RNF111: variants seen among roughly 807,000 people sequenced by gnomAD.
RNF111 encodes ring finger protein 111, also known as E3 ubiquitin-protein ligase Arkadia.
RNF111 carries 17 observed loss-of-function variants against 95.1 expected under a neutral mutation model. The observed-to-expected ratio is 0.18, with a 90% confidence interval of 0.12 to 0.27. The LOEUF (loss-of-function observed/expected upper bound fraction) is 0.27. Among genes scored for constraint, RNF111 ranks in the 10% least tolerant of loss-of-function variants. The probability of loss-of-function intolerance (pLI) is 1.00; values close to 1 mark genes in which losing one functional copy is unlikely to be tolerated. For synonymous variants in RNF111, 440 were observed against 414.8 expected (o/e 1.06, Z -0.74); for missense variants, 1,189 against 1,210.4 (o/e 0.98, Z 0.26).
chr15:59,084,590 A>G (rs1359755379), intron 9 of RNF111, among the ~76,000 whole-genome samples: 1 of 152,160 alleles, frequency 6.6e-6, no homozygotes, highest in Non-Finnish European at 1.5e-5. Flanking sequence ...CACATTTATC[A>G]CCTCCAATAT....
chr15:59,000,327 C>T (rs1024801692), intron 1 of RNF111, among the ~76,000 whole-genome samples: 4 of 152,082 alleles, frequency 2.6e-5, no homozygotes, highest in African/African-American at 7.2e-5. Context: ...CCACACTTGG[C>T]TCATTTTTCT....
intron 1 of RNF111, among the ~76,000 whole-genome samples, chr15:59,024,066 C>T (rs1355310697): frequency 6.6e-6 from 1 of 152,094 alleles, no homozygotes; most frequent in Non-Finnish European, 1.5e-5. Context: ...TTTTAAGGAC[C>T]TGATTATCCC....
intron 1 of RNF111, among the ~76,000 whole-genome samples, chr15:59,015,251 TATC>T (rs2040012877): frequency 6.6e-6 from 1 of 152,222 alleles, no homozygotes; most frequent in Admixed American, 6.5e-5. Context: ...ATGTTTTCCT[TATC>T]ATTTTGAAGG....
intron 3 of RNF111, among the ~76,000 whole-genome samples, chr15:59,054,255 G>A (rs1269901610): frequency 2.6e-5 from 4 of 152,096 alleles, no homozygotes; most frequent in Admixed American, 6.6e-5. Context: ...TCATTTAAGA[G>A]AGTATTTCTT....
chr15:59,095,049 C>G lies in RNF111; in HGVS notation c.*149C>G. On this transcript the variant is annotated 3_prime_UTR_variant, in exon 14 of 14. Transcript: ENST00000348370. ...CTATATGGTACAACTAATGCTAGAC[C>G]TACAGTTTATGTATACAGTTGATTT... The G allele has an allele frequency of 2.9e-6, 2 of 681,006 alleles. No individual in the cohort carries two copies. The highest frequency in any genetic ancestry group is 3.2e-5 in the South Asian group (2 of 61,816). The allele number at this position is 681,006 out of a possible 1,614,324, so 42.2% of individuals were successfully genotyped here.
chr15:59,011,306 A>C (rs1347200565), intron 1 of RNF111, among the ~76,000 whole-genome samples: 2 of 152,158 alleles, frequency 1.3e-5, no homozygotes, highest in African/African-American at 4.8e-5. Context: ...CTTATACTGC[A>C]TTTTGATTAC....
At chr15:59,025,084 A>G (rs770022813) in intron 1 of RNF111, among the ~76,000 whole-genome samples, 3 of 152,218 alleles carry the variant, frequency 2.0e-5, no homozygotes, top group Non-Finnish European at 4.4e-5. Context: ...GACACTTGAG[A>G]TGCTTCCACC....
At position 59,096,010 on chromosome 15, in the gene RNF111, A is replaced by G. The variant is rs1421957336; in HGVS notation, c.*1110A>G. 3 of 398,634 alleles carry G rather than the reference A, an allele frequency of 7.5e-6. No homozygotes were observed. Among genetic ancestry groups the G allele is most frequent in the Non-Finnish European group, 8.9e-6 (2 of 225,834 alleles). The allele number at this position is 398,634 out of a possible 1,614,324, so 24.7% of individuals were successfully genotyped here. ...AAACTTGAAAACAGTAAATCTGCAG[A>G]TACTGTGAGGCACAAATTATACTGT... On this transcript the variant is annotated 3_prime_UTR_variant, in exon 14 of 14. Transcript: ENST00000348370.
Position 59,031,262 on chromosome 15 carries a change from TTGGAGATTC to T in RNF111, c.443_451del (p.Gly148_Ser150del), listed in dbSNP as rs748462854. The T allele has an allele frequency of 6.2e-7, 1 of 1,614,182 alleles. No individual in the cohort carries two copies. Among genetic ancestry groups the T allele is most frequent in the Non-Finnish European group, 8.5e-7 (1 of 1,180,016 alleles). Reference sequence around the variant, plus strand: ...TCTTCTCCTTCATCTAGTCTGCATTTTGGAGATTCTGATACTGTGACTTCAGATGAGGAT... The same window carrying T: ...TCTTCTCCTTCATCTAGTCTGCATTTTGATACTGTGACTTCAGATGAGGAT... On this transcript the variant is annotated inframe_deletion, in exon 2 of 14. Coordinates refer to ENST00000348370, the MANE Select transcript of RNF111 (RefSeq NM_017610.8).
intron 2 of RNF111, among the ~76,000 whole-genome samples, chr15:59,040,685 C>G (rs1157044152): frequency 6.6e-6 from 1 of 152,112 alleles, no homozygotes; most frequent in African/African-American, 2.4e-5. Flanking sequence ...ATAAAAATTA[C>G]TTTTAATGGC....
intron 1 of RNF111, among the ~76,000 whole-genome samples, chr15:59,002,141 A>G (rs1396830368): frequency 6.6e-6 from 1 of 152,206 alleles, no homozygotes; most frequent in Admixed American, 6.5e-5. Flanking sequence ...ATGGTTGACC[A>G]TAGGTAACTG....
At chr15:59,023,130 C>T (rs1243848701) in intron 1 of RNF111, among the ~76,000 whole-genome samples, 3 of 152,142 alleles carry the variant, frequency 2.0e-5, no homozygotes, top group Non-Finnish European at 4.4e-5. Flanking sequence ...TGTCTGTAAT[C>T]CCAGCTACTC....
intron 2 of RNF111, among the ~76,000 whole-genome samples, chr15:59,039,519 A>G (rs1355585226): frequency 6.6e-6 from 1 of 152,054 alleles, no homozygotes; most frequent in Non-Finnish European, 1.5e-5. Context: ...GATGGGTTTC[A>G]GTTTGTTGCA....
At chr15:59,014,624 T>G (rs976341105) in intron 1 of RNF111, among the ~76,000 whole-genome samples, 2 of 152,202 alleles carry the variant, frequency 1.3e-5, no homozygotes, top group African/African-American at 2.4e-5. Context: ...GGGAAAGTTG[T>G]TAGATTCTTC....
At chr15:59,011,085 A>G (rs1310975414) in intron 1 of RNF111, among the ~76,000 whole-genome samples, 10 of 152,070 alleles carry the variant, frequency 6.6e-5, no homozygotes, top group African/African-American at 2.2e-4. Flanking sequence ...CTTTCATATA[A>G]CTTGTTTTAT....
At chr15:59,042,609 C>G (rs8041221) in intron 2 of RNF111, among the ~76,000 whole-genome samples, 1 of 151,852 alleles carries the variant, frequency 6.6e-6, no homozygotes, top group African/African-American at 2.4e-5. Context: ...TTTATCCTTA[C>G]GTATAATAGG....
intron 2 of RNF111, among the ~76,000 whole-genome samples, chr15:59,045,802 C>T (rs1177481949): frequency 3.3e-5 from 5 of 152,172 alleles, no homozygotes; most frequent in African/African-American, 1.2e-4. Flanking sequence ...TCCTTTTGTA[C>T]TTCTACCTTA....
intron 1 of RNF111, among the ~76,000 whole-genome samples, chr15:58,997,368 A>G (rs540537159): frequency 2.6e-5 from 4 of 152,314 alleles, no homozygotes; most frequent in South Asian, 4.1e-4. Flanking sequence ...CTCATTTTCT[A>G]TGTAACTGAT....
chr15:59,092,992 A>T (rs1398128079), intron 13 of RNF111, among the ~76,000 whole-genome samples: 2 of 152,164 alleles, frequency 1.3e-5, no homozygotes, highest in Non-Finnish European at 2.9e-5. Flanking sequence ...ATAGAGTGAG[A>T]CCCTGTCTCT....
Sources: gnomAD v4.1 joint callset for allele counts (sites outside exome capture counted in the v4.1 genomes callset) on GRCh38, gnomAD v4.1.1 for gene constraint, MANE v1.5 for transcripts, NCBI Gene and HGNC (gene_info 2026-07-23, HGNC 2026-07-21) for gene names.